The following FBXL7 variants were observed in gnomAD, a reference collection of about 807,000 sequenced individuals.
FBXL7 encodes the protein F-box/LRR-repeat protein 7.
A neutral mutation model predicts 38.3 loss-of-function variants in FBXL7; 12 were observed. That is an observed-to-expected ratio of 0.31 (90% CI 0.20 to 0.51). FBXL7 has a LOEUF of 0.51. Ranked by LOEUF, FBXL7 falls within the 20% of genes least tolerant of loss-of-function variation. The pLI is 0.98. For missense variants in FBXL7, 567 were observed against 676.4 expected, an observed-to-expected ratio of 0.84 and a Z score of 1.79; for synonymous variants, 297 against 300.9, an observed-to-expected ratio of 0.99 and a Z score of 0.13.
Position 15,500,391 on chromosome 5 carries a change from G to T in FBXL7, c.-286G>T, listed in dbSNP as rs902407748. On this transcript the variant is annotated 5_prime_UTR_variant, in exon 1 of 4. Transcript: ENST00000504595. Reference sequence around the variant, plus strand: ...GCGCGGTGAGCCTCTGGGCGGCCCCGGGGCGCGGGCTGTGCGCGGCGCTGC... The same window carrying T: ...GCGCGGTGAGCCTCTGGGCGGCCCCTGGGCGCGGGCTGTGCGCGGCGCTGC... 8.9e-6 allele frequency: 2 copies of T among 224,876 alleles called. No homozygotes were observed. Among genetic ancestry groups the T allele is most frequent in the Non-Finnish European group, 1.7e-5 (2 of 116,620 alleles). 13.9% of individuals were successfully genotyped at this position (224,876 alleles called of 1,614,324 possible).
At chr5:15,641,947 G>GTGTGTGTT (rs1554011591) in intron 2 of FBXL7, among the ~76,000 whole-genome samples, 1 of 69,678 alleles carries the variant, frequency 1.4e-5, no homozygotes, top group Admixed American at 1.3e-4. Flanking sequence ...AACCTTGTGT[G>GTGTGTGTT]TGTGTGTGTG....
chr5:15,805,039 C>T (rs971205342), intron 2 of FBXL7, among the ~76,000 whole-genome samples: 2 of 152,202 alleles, frequency 1.3e-5, no homozygotes, highest in African/African-American at 4.8e-5. Context: ...GCCATCTTCT[C>T]CCTGTGTCTT....
intron 1 of FBXL7, among the ~76,000 whole-genome samples, chr5:15,524,357 C>T (rs1737190148): frequency 6.6e-6 from 1 of 152,158 alleles, no homozygotes. Flanking sequence ...CACTTAACTT[C>T]TTGGGGGGGC....
intron 2 of FBXL7, 91 bp from the exon 3 acceptor site, chr5:15,927,799 A>ACAG: frequency 2.1e-6 from 2 of 970,014 alleles, no homozygotes; most frequent in East Asian, 2.8e-5. Flanking sequence ...AAGAAGAAAG[A>ACAG]AAAGAAAAGA....
intron 1 of FBXL7, among the ~76,000 whole-genome samples, chr5:15,586,192 C>T (rs549082013): frequency 6.6e-5 from 10 of 152,022 alleles, no homozygotes; most frequent in African/African-American, 9.7e-5. Context: ...TGGGAGCCAG[C>T]GTTAGCACTT....
chr5:15,541,237 A>G (rs557189638), intron 1 of FBXL7, among the ~76,000 whole-genome samples: 1 of 151,540 alleles, frequency 6.6e-6, no homozygotes, highest in East Asian at 2.0e-4. Flanking sequence ...CCCATCCAGT[A>G]CTGCTTACAT....
At chr5:15,725,595 T>C (rs1360446137) in intron 2 of FBXL7, among the ~76,000 whole-genome samples, 2 of 152,212 alleles carry the variant, frequency 1.3e-5, no homozygotes, top group Non-Finnish European at 2.9e-5. Flanking sequence ...CATGTGTACC[T>C]GAGAAGAATG....
chr5:15,821,873 C>T (rs150327812), intron 2 of FBXL7, among the ~76,000 whole-genome samples: 3 of 152,226 alleles, frequency 2.0e-5, no homozygotes, highest in Non-Finnish European at 4.4e-5. Context: ...CCTTATGGTG[C>T]CTGAATTAGC....
intron 1 of FBXL7, among the ~76,000 whole-genome samples, chr5:15,527,598 A>C (rs1737288959): frequency 6.6e-6 from 1 of 152,322 alleles, no homozygotes; most frequent in Non-Finnish European, 1.5e-5. Flanking sequence ...CATTTAGAGG[A>C]CATAGGTGAG....
At chr5:15,859,521 C>A (rs922989928) in intron 2 of FBXL7, among the ~76,000 whole-genome samples, 2 of 152,146 alleles carry the variant, frequency 1.3e-5, no homozygotes, top group African/African-American at 4.8e-5. Flanking sequence ...ACTCACAGTT[C>A]CACGTGGCTC....
chr5:15,763,247 C>T (rs1419408346), intron 2 of FBXL7, among the ~76,000 whole-genome samples: 1 of 152,108 alleles, frequency 6.6e-6, no homozygotes, highest in Non-Finnish European at 1.5e-5. Flanking sequence ...GCATGTAATC[C>T]CCCTGTGCCT....
chr5:15,754,941 C>A (rs1330775292), intron 2 of FBXL7, among the ~76,000 whole-genome samples: 1 of 152,176 alleles, frequency 6.6e-6, no homozygotes, highest in African/African-American at 2.4e-5. Flanking sequence ...CTTCTAGATG[C>A]AGGCTTGGAA....
chr5:15,815,120 C>G (rs944898982), intron 2 of FBXL7, among the ~76,000 whole-genome samples: 1 of 152,174 alleles, frequency 6.6e-6, no homozygotes, highest in Non-Finnish European at 1.5e-5. Context: ...CCAGTTGGTA[C>G]CAATTTTTCC....
At chr5:15,544,054 T>C (rs1007247170) in intron 1 of FBXL7, among the ~76,000 whole-genome samples, 8 of 152,156 alleles carry the variant, frequency 5.3e-5, no homozygotes, top group Non-Finnish European at 1.0e-4. Context: ...CCCCTTAATT[T>C]GCATGTAATT....
chr5:15,521,673 C>T (rs1346690649), intron 1 of FBXL7, among the ~76,000 whole-genome samples: 2 of 152,130 alleles, frequency 1.3e-5, no homozygotes, highest in Admixed American at 6.5e-5. Flanking sequence ...TTAAAACTGT[C>T]GAGACACTGA....
At position 15,687,897 on chromosome 5, in the gene FBXL7, T is replaced by C. The variant is rs76285784; in HGVS notation, c.127+71825T>C. ...ATTGAGGGATGATAGTACTAAGAAT[T>C]GGAGCTTTTCGAGGAACTGTTCACT... is the stretch of plus-strand genomic sequence containing the variant. On this transcript the variant is annotated intron_variant, in intron 2 of 3. Transcript: ENST00000504595. 5.3e-3 allele frequency among the ~76,000 whole-genome samples: 808 copies of C among 152,276 alleles called. 7 individuals carry two copies. Among genetic ancestry groups the C allele is most frequent in the African/African-American group, 0.018 (749 of 41,570 alleles).
chr5:15,608,173 G>T (rs964629428), intron 1 of FBXL7, among the ~76,000 whole-genome samples: 1 of 151,984 alleles, frequency 6.6e-6, no homozygotes, highest in Admixed American at 6.6e-5. Flanking sequence ...GATATAAATT[G>T]AAATAATGGG....
chr5:15,746,785 T>C (rs1018120824), intron 2 of FBXL7, among the ~76,000 whole-genome samples: 5 of 152,154 alleles, frequency 3.3e-5, no homozygotes, highest in African/African-American at 1.2e-4. Context: ...TTTTTTCTAA[T>C]TTGCTGTAGA....
chr5:15,766,276 G>A (rs1561118421), intron 2 of FBXL7, among the ~76,000 whole-genome samples: 1 of 152,052 alleles, frequency 6.6e-6, no homozygotes, highest in East Asian at 1.9e-4. Context: ...TGTATTTCCA[G>A]TATGTCTTAA....
Sources: allele counts gnomAD v4.1 joint callset (sites outside exome capture counted in the v4.1 genomes callset), GRCh38; gene constraint gnomAD v4.1.1; transcripts MANE v1.5; gene names NCBI Gene and HGNC (gene_info 2026-07-23, HGNC 2026-07-21).